The following STEAP1B variants were observed in gnomAD, a reference collection of about 807,000 sequenced individuals.
STEAP1B encodes the protein STEAP family protein MGC87042.
STEAP1B carries 13 observed loss-of-function variants against 27.9 expected under a neutral mutation model. The observed-to-expected ratio is 0.47, with a 90% confidence interval of 0.30 to 0.74. STEAP1B has a LOEUF of 0.74. STEAP1B is among the 30% of genes least tolerant of loss of function. The pLI, the probability that STEAP1B is intolerant of heterozygous loss-of-function variation, is 0.06. For missense variants in STEAP1B, 250 were observed against 298.7 expected (o/e 0.84, Z 1.20); for synonymous variants, 86 against 107.1 (o/e 0.80, Z 1.22).
At chr7:22,468,041 A>G (rs1785816828) in intron 4 of STEAP1B, among the ~76,000 whole-genome samples, 5 of 152,230 alleles carry the variant, frequency 3.3e-5, no homozygotes, top group African/African-American at 9.7e-5. Context: ...TACTCAGGAC[A>G]TATTTCTGCT....
At chr7:22,475,364 T>C (rs1785953445) in intron 4 of STEAP1B, among the ~76,000 whole-genome samples, 1 of 152,172 alleles carries the variant, frequency 6.6e-6, no homozygotes, top group Non-Finnish European at 1.5e-5. Context: ...CACCTGTCCA[T>C]GTGGGGCCTT....
At chr7:22,436,171 A>G (rs1158115668) in intron 4 of STEAP1B, among the ~76,000 whole-genome samples, 1 of 151,682 alleles carries the variant, frequency 6.6e-6, no homozygotes, top group Non-Finnish European at 1.5e-5. Flanking sequence ...AGGCTTATAC[A>G]GAGAAATCAT....
chr7:22,479,547 T>C (rs7806271), intron 4 of STEAP1B, among the ~76,000 whole-genome samples: 74,675 of 151,858 alleles, frequency 0.49, 18,841 homozygotes, highest in African/African-American at 0.61. Context: ...CAATCTTTTA[T>C]GTGTAACTTG....
chr7:22,487,749 G>A (rs1465054523), intron 4 of STEAP1B, among the ~76,000 whole-genome samples: 1 of 133,054 alleles, frequency 7.5e-6, no homozygotes, highest in Non-Finnish European at 1.5e-5. Context: ...AGGTTACGAT[G>A]AACCAAGATC....
intron 2 of STEAP1B, among the ~76,000 whole-genome samples, chr7:22,494,545 T>C (rs964891057): frequency 1.4e-4 from 22 of 152,002 alleles, no homozygotes; most frequent in Non-Finnish European, 2.1e-4. Context: ...AGATTTTCAG[T>C]AACGTATTCA....
intron 4 of STEAP1B, among the ~76,000 whole-genome samples, chr7:22,486,880 A>G (rs1786219176): frequency 6.6e-6 from 1 of 151,290 alleles, no homozygotes; most frequent in Admixed American, 6.6e-5. Flanking sequence ...ACACTCTCGG[A>G]CTCCTGGCTC....
At chr7:22,493,011 AAGG>A (rs1268410709) in intron 3 of STEAP1B, among the ~76,000 whole-genome samples, 4 of 152,218 alleles carry the variant, frequency 2.6e-5, no homozygotes, top group Non-Finnish European at 5.9e-5. Flanking sequence ...TGTGGTAAAC[AAGG>A]AGAAGAACAA....
At chr7:22,432,652 G>A (rs548922519) in intron 4 of STEAP1B, among the ~76,000 whole-genome samples, 4 of 152,236 alleles carry the variant, frequency 2.6e-5, no homozygotes, top group Admixed American at 6.5e-5. Flanking sequence ...CAAATGGACA[G>A]TCTTCATTCT....
intron 4 of STEAP1B, among the ~76,000 whole-genome samples, chr7:22,489,845 C>T (rs556161562): frequency 6.6e-6 from 1 of 152,270 alleles, no homozygotes; most frequent in Admixed American, 6.5e-5. Flanking sequence ...TATAAATTAC[C>T]TTGGGCAGTA....
chr7:22,475,902 T>G (rs905901298), intron 4 of STEAP1B, among the ~76,000 whole-genome samples: 4 of 152,234 alleles, frequency 2.6e-5, no homozygotes, highest in Non-Finnish European at 5.9e-5. Flanking sequence ...CTGCCTTTTT[T>G]AAGCAGTTGC....
At chr7:22,493,239 G>C in intron 3 of STEAP1B, 85 bp downstream of exon 3, 3 of 1,381,108 alleles carry the variant, frequency 2.2e-6, no homozygotes, top group Non-Finnish European at 2.9e-6. Flanking sequence ...ACAGGGTTGG[G>C]GTATTGATAT....
At chr7:22,421,472 C>T (rs1033589596) in intron 4 of STEAP1B, among the ~76,000 whole-genome samples, 37 of 152,232 alleles carry the variant, frequency 2.4e-4, no homozygotes, top group African/African-American at 8.7e-4. Context: ...CACAGCATGT[C>T]AAGGAGTTCA....
intron 4 of STEAP1B, among the ~76,000 whole-genome samples, chr7:22,461,213 G>A (rs745942136): frequency 6.6e-5 from 10 of 152,138 alleles, no homozygotes; most frequent in Non-Finnish European, 1.5e-4. Context: ...GAGGTTTCAA[G>A]GTGGCAGTGC....
At chr7:22,452,880 C>T (rs1179147670) in intron 4 of STEAP1B, among the ~76,000 whole-genome samples, 3 of 152,212 alleles carry the variant, frequency 2.0e-5, no homozygotes, top group Non-Finnish European at 4.4e-5. Flanking sequence ...CTGGCAGTTG[C>T]TAATCCCAAT....
intron 4 of STEAP1B, among the ~76,000 whole-genome samples, chr7:22,447,786 C>A (rs375719414): frequency 1.3e-5 from 2 of 152,152 alleles, no homozygotes; most frequent in Admixed American, 6.6e-5. Flanking sequence ...ATGGATATAC[C>A]CAAATTGCAT....
intron 4 of STEAP1B, among the ~76,000 whole-genome samples, chr7:22,487,892 G>A (rs1312878415): frequency 6.7e-6 from 1 of 149,568 alleles, no homozygotes; most frequent in Non-Finnish European, 1.5e-5. Context: ...AAGAATACAA[G>A]TAAAATATAA....
At chr7:22,490,989 T>C (rs559671616) in intron 4 of STEAP1B, among the ~76,000 whole-genome samples, 16 of 152,338 alleles carry the variant, frequency 1.1e-4, no homozygotes, top group African/African-American at 3.6e-4. Context: ...TATCTAACCA[T>C]TGTAGATAGC....
At chr7:22,488,361 A>G (rs1051873261) in intron 4 of STEAP1B, among the ~76,000 whole-genome samples, 3 of 152,148 alleles carry the variant, frequency 2.0e-5, no homozygotes, top group Admixed American at 2.0e-4. Context: ...CTGAGCCACA[A>G]CCTTTAACAA....
At chr7:22,482,024 T>C (rs1349285079) in intron 4 of STEAP1B, among the ~76,000 whole-genome samples, 1 of 152,194 alleles carries the variant, frequency 6.6e-6, no homozygotes, top group Non-Finnish European at 1.5e-5. Context: ...GTGTTCTCTC[T>C]GGAAACTGAC....
Sources: gnomAD v4.1 joint callset for allele counts (sites outside exome capture counted in the v4.1 genomes callset) on GRCh38, gnomAD v4.1.1 for gene constraint, MANE v1.5 for transcripts, NCBI Gene and HGNC (gene_info 2026-07-23, HGNC 2026-07-21) for gene names.